The following SPART variants were observed in gnomAD, a reference collection of about 807,000 sequenced individuals.
The protein encoded by SPART is spastic paraplegia 20 (Troyer syndrome).
In SPART, 35 loss-of-function variants were observed where a neutral mutation model predicts 58.7. The observed-to-expected ratio is 0.60, with a 90% CI of 0.46 to 0.79. The LOEUF (loss-of-function observed/expected upper bound fraction) is 0.79, where lower values mean the gene tolerates loss of function less well. Among genes scored for constraint, SPART ranks in the 30% least tolerant of loss-of-function variants. SPART has a pLI of 0.00. For missense variants in SPART, 730 were observed against 786.1 expected, an observed-to-expected ratio of 0.93 and a Z score of 0.85; for synonymous variants, 284 against 280.7, an observed-to-expected ratio of 1.01 and a Z score of -0.12.
chr13:36,311,197 G>A (rs995442695), intron 8 of SPART, among the ~76,000 whole-genome samples: 32 of 152,118 alleles, frequency 2.1e-4, no homozygotes, highest in African/African-American at 2.4e-5. Context: ...CCTGTGAAAC[G>A]CACACTGAAA....
intron 1 of SPART, among the ~76,000 whole-genome samples, chr13:36,338,200 T>C (rs1884208801): frequency 6.6e-6 from 1 of 152,182 alleles, no homozygotes; most frequent in Non-Finnish European, 1.5e-5. Flanking sequence ...ATAAAAATCA[T>C]TAAACTATAC....
At chr13:36,311,774 G>A (rs992203976) in intron 8 of SPART, among the ~76,000 whole-genome samples, 2 of 152,168 alleles carry the variant, frequency 1.3e-5, no homozygotes, top group Non-Finnish European at 2.9e-5. Flanking sequence ...TGACCGTCAT[G>A]GGTTTTTACA....
At chr13:36,342,563 G>T (rs771190882) in intron 1 of SPART, among the ~76,000 whole-genome samples, 3 of 152,208 alleles carry the variant, frequency 2.0e-5, no homozygotes, top group Admixed American at 1.3e-4. Context: ...ATAATGCTTT[G>T]TTAGCAGCAT....
chr13:36,323,484 A>G (rs1882621534), intron 5 of SPART, among the ~76,000 whole-genome samples: 1 of 152,212 alleles, frequency 6.6e-6, no homozygotes, highest in African/African-American at 2.4e-5. Context: ...CTTTTACATT[A>G]GGAGAACCTC....
At position 36,335,192 on chromosome 13, in the gene SPART, G is replaced by C; in HGVS notation, c.639C>G (p.Thr213=). Residue 213 remains threonine (T), a synonymous_variant, in exon 2 of 9, where the codon ACC becomes ACG. Transcript: ENST00000438666. The part of the protein sequence containing the change: ...RNHSQPPPLE[T]LGLDADELIL... ...TCAATTCATCTGCATCCAGCCCTAA[G>C]GTCTCAAGAGGCGGTGGCTGAGAAT... The C allele has an allele frequency of 1.9e-6, 3 of 1,614,088 alleles. No individual in the cohort carries two copies. Among genetic ancestry groups the C allele is most frequent in the Non-Finnish European group, 2.5e-6 (3 of 1,180,000 alleles).
At chr13:36,314,053 CGATGTGATGTTGCT>C (rs1881412046) in intron 6 of SPART, 160 bp downstream of exon 6, 1 of 649,204 alleles carries the variant, frequency 1.5e-6, no homozygotes, top group Admixed American at 2.8e-5. Context: ...CCAGATAGGA[CGATGTGATGTTGCT>C]GGTCCGCAGG....
intron 1 of SPART, among the ~76,000 whole-genome samples, chr13:36,343,921 G>A (rs1252852248): frequency 2.0e-5 from 3 of 151,984 alleles, no homozygotes; most frequent in African/African-American, 7.3e-5. Context: ...CCCAGCTACT[G>A]CACAGGCTGA....
chr13:36,324,906 C>A (rs1425329605), intron 5 of SPART, among the ~76,000 whole-genome samples: 3 of 151,968 alleles, frequency 2.0e-5, no homozygotes, highest in Admixed American at 6.6e-5. Context: ...AGTGGGGGAG[C>A]TTTTTGAGCC....
At chr13:36,353,466 T>A (rs771384362) in intron 1 of SPART, among the ~76,000 whole-genome samples, 33 of 152,074 alleles carry the variant, frequency 2.2e-4, no homozygotes, top group Non-Finnish European at 4.7e-4. Flanking sequence ...GCAAACTGGG[T>A]TTATTACTTA....
intron 8 of SPART, among the ~76,000 whole-genome samples, chr13:36,305,242 CCTT>C (rs555558097): frequency 1.1e-3 from 175 of 152,206 alleles, no homozygotes; most frequent in African/African-American, 4.0e-3. Flanking sequence ...CTCTGCCTCA[CCTT>C]CTTCAAGTTG....
chr13:36,357,920 T>C (rs966243370), intron 1 of SPART, among the ~76,000 whole-genome samples: 1 of 152,184 alleles, frequency 6.6e-6, no homozygotes, highest in African/African-American at 2.4e-5. Context: ...GCTAACACTT[T>C]TCTGGCAATA....
intron 6 of SPART, among the ~76,000 whole-genome samples, chr13:36,312,751 T>C (rs1340952895): frequency 5.9e-5 from 9 of 152,080 alleles, no homozygotes; most frequent in Non-Finnish European, 1.5e-5. Context: ...ATTTTTTAAA[T>C]GAAAGCTTTT....
At chr13:36,325,352 C>CT (rs915644058) in intron 5 of SPART, among the ~76,000 whole-genome samples, 7 of 152,150 alleles carry the variant, frequency 4.6e-5, no homozygotes, top group African/African-American at 1.7e-4. Context: ...TTGGCTCTAT[C>CT]TTTTTTTCTT....
At chr13:36,332,214 G>A (rs1455778065) in intron 2 of SPART, among the ~76,000 whole-genome samples, 6 of 152,274 alleles carry the variant, frequency 3.9e-5, no homozygotes, top group East Asian at 1.9e-4. Flanking sequence ...CTCACAGGCC[G>A]GGCACAGTGG....
At chr13:36,323,254 A>G (rs1040890587) in intron 5 of SPART, among the ~76,000 whole-genome samples, 3 of 152,162 alleles carry the variant, frequency 2.0e-5, no homozygotes, top group Non-Finnish European at 4.4e-5. Flanking sequence ...ATGTTTTGCT[A>G]TCTCACAACC....
intron 6 of SPART, chr13:36,313,961 G>C (rs1881402846): frequency 2.1e-6 from 1 of 477,518 alleles, no homozygotes; most frequent in African/African-American, 2.0e-5. Flanking sequence ...GTGCAAATAA[G>C]AATCACCTAG....
intron 1 of SPART, among the ~76,000 whole-genome samples, chr13:36,343,705 A>G (rs935673200): frequency 5.9e-5 from 9 of 152,176 alleles, no homozygotes; most frequent in African/African-American, 2.2e-4. Context: ...AAAATTTACT[A>G]TCTTTTGTTA....
chr13:36,317,122 G>A (rs1290989715), intron 5 of SPART, among the ~76,000 whole-genome samples: 1 of 152,130 alleles, frequency 6.6e-6, no homozygotes, highest in Non-Finnish European at 1.5e-5. Flanking sequence ...GCCTTCCCTT[G>A]ACCTTTAATC....
At chr13:36,323,718 G>C (rs920129816) in intron 5 of SPART, among the ~76,000 whole-genome samples, 1 of 151,916 alleles carries the variant, frequency 6.6e-6, no homozygotes, top group Admixed American at 6.6e-5. Flanking sequence ...AACATTTGAC[G>C]AACTACTCGT....
Sources: allele counts gnomAD v4.1 joint callset (sites outside exome capture counted in the v4.1 genomes callset), GRCh38; gene constraint gnomAD v4.1.1; transcripts MANE v1.5; gene names NCBI Gene and HGNC (gene_info 2026-07-23, HGNC 2026-07-21).